STPG2: variants seen among roughly 807,000 people sequenced by gnomAD.
The protein encoded by STPG2 is sperm-tail PG-rich repeat-containing protein 2.
In STPG2, 56 loss-of-function variants were observed where a neutral mutation model predicts 54.2. That is an observed-to-expected ratio of 1.03 (90% CI 0.83 to 1.29). The LOEUF is 1.29. Among genes scored for constraint, STPG2 ranks in the 50% most tolerant of loss-of-function variants. The probability of loss-of-function intolerance (pLI) is 0.00; values close to 1 mark genes in which losing one functional copy is unlikely to be tolerated. For synonymous variants in STPG2, 200 were observed against 181.8 expected (o/e 1.10, Z -0.81); for missense variants, 596 against 544.9 (o/e 1.09, Z -0.93).
intron 4 of STPG2, among the ~76,000 whole-genome samples, chr4:97,457,757 G>A (rs1230987621): frequency 6.6e-6 from 1 of 152,186 alleles, no homozygotes; most frequent in African/African-American, 2.4e-5. Flanking sequence ...AGTATATGAA[G>A]AGACAGCTTG....
intron 8 of STPG2, among the ~76,000 whole-genome samples, chr4:97,943,474 C>T (rs1257456625): frequency 6.6e-6 from 1 of 152,038 alleles, no homozygotes; most frequent in Non-Finnish European, 1.5e-5. Context: ...AATTTATAGC[C>T]ATACCATTTA....
chr4:97,873,971 C>A (rs1173046057), intron 8 of STPG2, among the ~76,000 whole-genome samples: 1 of 151,256 alleles, frequency 6.6e-6, no homozygotes, highest in Non-Finnish European at 1.5e-5. Flanking sequence ...AAAGTATTTT[C>A]TTTATATTTT....
chr4:97,705,569 G>A (rs1723915901), intron 10 of STPG2, among the ~76,000 whole-genome samples: 1 of 151,778 alleles, frequency 6.6e-6, no homozygotes, highest in Admixed American at 6.6e-5. Flanking sequence ...CCGATGAGTT[G>A]CCCACCTCAG....
chr4:97,861,389 T>C (rs756579588), intron 8 of STPG2, among the ~76,000 whole-genome samples: 42 of 152,286 alleles, frequency 2.8e-4, no homozygotes, highest in South Asian at 6.2e-4. Flanking sequence ...TGGCCACTGT[T>C]GGTGGGAATG....
intron 5 of STPG2, among the ~76,000 whole-genome samples, chr4:98,059,084 T>C (rs1737566605): frequency 6.7e-6 from 1 of 149,544 alleles, no homozygotes; most frequent in South Asian, 2.1e-4. Flanking sequence ...ATTAGTAAGA[T>C]AGATAGGCCG....
chr4:98,077,427 G>A (rs979972806), intron 5 of STPG2, among the ~76,000 whole-genome samples: 1 of 152,108 alleles, frequency 6.6e-6, no homozygotes. Flanking sequence ...TATTTAACAC[G>A]GGGTTTCACC....
At chr4:97,963,214 G>T (rs987961029) in intron 7 of STPG2, among the ~76,000 whole-genome samples, 1 of 151,912 alleles carries the variant, frequency 6.6e-6, no homozygotes, top group Non-Finnish European at 1.5e-5. Flanking sequence ...TTATCTAAAT[G>T]TCAGGTTACT....
chr4:97,800,684 G>T (rs1360627335), intron 9 of STPG2, among the ~76,000 whole-genome samples: 2 of 152,122 alleles, frequency 1.3e-5, no homozygotes, highest in Non-Finnish European at 2.9e-5. Flanking sequence ...CTCCATGCTG[G>T]GAGAACCACT....
At chr4:98,023,646 G>C (rs76529470) in intron 5 of STPG2, among the ~76,000 whole-genome samples, 1 of 152,196 alleles carries the variant, frequency 6.6e-6, no homozygotes, top group Non-Finnish European at 1.5e-5. Context: ...AGCCTACAGA[G>C]GCAGGCAGGC....
chr4:98,120,058 A>G (rs1041648948), intron 3 of STPG2, among the ~76,000 whole-genome samples: 23 of 152,128 alleles, frequency 1.5e-4, no homozygotes, highest in African/African-American at 5.5e-4. Context: ...TGGAATGAAC[A>G]TATTCATGCA....
At position 97,586,908 on chromosome 4, in the gene STPG2, T is replaced by C. The variant is rs144074843; in HGVS notation, c.1321-27791A>G. Among the ~76,000 whole-genome samples the C allele has an allele frequency of 4.1e-3, 624 of 152,020 alleles. 2 individuals carry two copies. Among genetic ancestry groups the C allele is most frequent in the Non-Finnish European group, 7.3e-3 (492 of 67,848 alleles). ...AGAAACCACAGAGCAGAAATATGGA[T>C]ACACTCAATAGACTTTCCTTTTTCT... On this transcript the variant is annotated intron_variant, in intron 10 of 10. Coordinates refer to ENST00000295268, the MANE Select transcript of STPG2 (RefSeq NM_174952.3).
At chr4:98,071,126 A>G (rs960018330) in intron 5 of STPG2, among the ~76,000 whole-genome samples, 1 of 152,200 alleles carries the variant, frequency 6.6e-6, no homozygotes, top group African/African-American at 2.4e-5. Flanking sequence ...CTAAGTAAAA[A>G]GAACAAAGCT....
At chr4:97,924,434 T>C (rs538707093) in intron 8 of STPG2, among the ~76,000 whole-genome samples, 2 of 152,298 alleles carry the variant, frequency 1.3e-5, no homozygotes, top group Admixed American at 6.5e-5. Flanking sequence ...CATTAGTACA[T>C]AGTTTTGTAT....
chr4:97,626,757 T>A (rs1734148082), intron 10 of STPG2, among the ~76,000 whole-genome samples: 1 of 152,120 alleles, frequency 6.6e-6, no homozygotes, highest in Non-Finnish European at 1.5e-5. Flanking sequence ...TACTTTTACT[T>A]ATAATTCTTG....
intron 4 of STPG2, among the ~76,000 whole-genome samples, chr4:97,487,643 T>C (rs1730401524): frequency 6.6e-6 from 1 of 151,514 alleles, no homozygotes; most frequent in African/African-American, 2.4e-5. Context: ...AATGAGGCTT[T>C]TTACACTTGA....
chr4:97,874,778 G>A (rs941162741), intron 8 of STPG2, among the ~76,000 whole-genome samples: 4 of 151,556 alleles, frequency 2.6e-5, no homozygotes, highest in African/African-American at 9.7e-5. Flanking sequence ...ATTTCGAAAT[G>A]GGGCCTTTAA....
rs182042301 is a variant in STPG2 at position 98,019,177 on chromosome 4, T to C, written c.613-37859A>G. 5.9e-3 allele frequency among the ~76,000 whole-genome samples: 891 copies of C among 152,280 alleles called. 6 individuals carry two copies. The highest frequency in any genetic ancestry group is 0.021 in the Middle Eastern group (6 of 292). On this transcript the variant is annotated intron_variant, in intron 5 of 10. Transcript: ENST00000295268. ...GTCTAACATGTAAGTCTTTAATCCA[T>C]CTTGAATTAATTTTTGTATAAGGTG...
chr4:97,505,345 G>A (rs184320166), intron 4 of STPG2, among the ~76,000 whole-genome samples: 1 of 152,004 alleles, frequency 6.6e-6, no homozygotes, highest in East Asian at 1.9e-4. Flanking sequence ...CAGCAAATAT[G>A]TACTTTTTAA....
intron 8 of STPG2, among the ~76,000 whole-genome samples, chr4:97,860,006 T>C (rs1189004629): frequency 2.0e-5 from 3 of 152,256 alleles, no homozygotes. Context: ...TTCTACGTTC[T>C]TGTTTGCATT....
Sources: allele counts gnomAD v4.1 joint callset (sites outside exome capture counted in the v4.1 genomes callset), GRCh38; gene constraint gnomAD v4.1.1; transcripts MANE v1.5; gene names NCBI Gene and HGNC (gene_info 2026-07-23, HGNC 2026-07-21).